The following MTSS1 variants were observed in gnomAD, a reference collection of about 807,000 sequenced individuals.
MTSS1 encodes MTSS I-BAR domain containing 1, also known as protein MTSS 1.
A neutral mutation model predicts 79.0 loss-of-function variants in MTSS1; 18 were observed. That is an observed-to-expected ratio of 0.23 (90% CI 0.16 to 0.34). MTSS1 has a LOEUF of 0.34. Ranked by LOEUF, MTSS1 falls within the 10% of genes least tolerant of loss-of-function variation. The pLI is 1.00. For synonymous variants in MTSS1, 341 were observed against 368.6 expected (o/e 0.93, Z 0.86); for missense variants, 815 against 986.2 (o/e 0.83, Z 2.33).
intron 6 of MTSS1, among the ~76,000 whole-genome samples, chr8:124,577,993 G>A (rs1829299238): frequency 6.6e-6 from 1 of 152,216 alleles, no homozygotes; most frequent in Non-Finnish European, 1.5e-5. Flanking sequence ...GCTGGATACG[G>A]CTGGGGGATG....
chr8:124,706,823 T>C (rs1188142186), intron 1 of MTSS1, among the ~76,000 whole-genome samples: 3 of 152,178 alleles, frequency 2.0e-5, no homozygotes, highest in Non-Finnish European at 4.4e-5. Context: ...CAAGACATAG[T>C]GGGGACTCCA....
At chr8:124,687,553 AG>A (rs1166030478) in intron 3 of MTSS1, among the ~76,000 whole-genome samples, 2 of 152,152 alleles carry the variant, frequency 1.3e-5, no homozygotes, top group Admixed American at 6.5e-5. Flanking sequence ...TGAGAGAGAC[AG>A]GGGTCAGGAA....
chr8:124,580,726 C>A, intron 6 of MTSS1: 1 of 665,978 alleles, frequency 1.5e-6, no homozygotes, highest in Non-Finnish European at 2.6e-6. Context: ...CTGATTAAAC[C>A]CACATCCACA....
chr8:124,675,617 C>A (rs1825141165), intron 3 of MTSS1, among the ~76,000 whole-genome samples: 1 of 152,176 alleles, frequency 6.6e-6, no homozygotes, highest in Non-Finnish European at 1.5e-5. Context: ...TTCAGTGCCC[C>A]AAAATAAACC....
At chr8:124,663,767 G>A (rs1475892606) in intron 3 of MTSS1, among the ~76,000 whole-genome samples, 1 of 152,086 alleles carries the variant, frequency 6.6e-6, no homozygotes, top group African/African-American at 2.4e-5. Context: ...TACAGGAAAA[G>A]CACAGTGAAT....
chr8:124,716,346 GCT>G (rs1294079764), intron 1 of MTSS1, among the ~76,000 whole-genome samples: 3 of 152,224 alleles, frequency 2.0e-5, no homozygotes, highest in Non-Finnish European at 2.9e-5. Flanking sequence ...TCGAGATCAT[GCT>G]CTGCCTAGGC....
Position 124,582,325 on chromosome 8 carries a change from A to G in MTSS1, c.460+2762T>C, listed in dbSNP as rs1830184663. On this transcript the variant is annotated intron_variant, in intron 6 of 13. Transcript: ENST00000518547. This position sits in a 1 kb window ranked among gnomAD's most constrained non-coding sequence, Gnocchi z 4.8. The stretch of plus-strand genomic sequence containing the variant: ...TTTAGATTACAAACCACCTCTCTAT[A>G]TAGTAAGAAAGAGTCGAAGAATGTG... Among the ~76,000 whole-genome samples, 1 of 152,166 alleles carries G rather than the reference A, an allele frequency of 6.6e-6. No individual in the cohort carries two copies. The highest frequency in any genetic ancestry group is 1.5e-5 in the Non-Finnish European group (1 of 68,022).
intron 3 of MTSS1, among the ~76,000 whole-genome samples, chr8:124,687,439 T>C (rs1200489351): frequency 6.6e-6 from 1 of 152,170 alleles, no homozygotes; most frequent in African/African-American, 2.4e-5. Flanking sequence ...CAGCATCCCC[T>C]TTAAGCAAGC....
In MTSS1 at chr8:124,727,001, A is replaced by T. The variant is rs527853642; in HGVS notation, c.72+883T>A. Among the ~76,000 whole-genome samples the T allele has an allele frequency of 6.6e-6, 1 of 152,210 alleles. No homozygotes were observed. Among genetic ancestry groups the T allele is most frequent in the Non-Finnish European group, 1.5e-5 (1 of 68,004 alleles). ...ACGGGGCCCTGGTCTATCTCTAGGC[A>T]CCAGAAAATCCACATCCGAGGATCA... On this transcript the variant is annotated intron_variant, in intron 1 of 13. Transcript: ENST00000518547. The surrounding 1 kb of genome is among the most constrained non-coding windows in gnomAD (Gnocchi z 4.7).
chr8:124,636,066 G>A lies in MTSS1; in HGVS notation c.209-44831C>T, dbSNP rs967806124. On this transcript the variant is annotated intron_variant, in intron 3 of 13. Coordinates refer to ENST00000518547, the MANE Select transcript of MTSS1 (RefSeq NM_014751.6). Reference sequence around the variant, plus strand: ...TCGACAGGCTCCTTAGGCTAGGAGCGCAGAGTCCAAAGAGCGCAGCCCTGC... The same window carrying A: ...TCGACAGGCTCCTTAGGCTAGGAGCACAGAGTCCAAAGAGCGCAGCCCTGC... 5.9e-5 allele frequency among the ~76,000 whole-genome samples: 9 copies of A among 152,108 alleles called. No homozygotes were observed. In the South Asian group the frequency reaches 8.3e-4, roughly 14 times the overall value.
At chr8:124,577,143 G>C (rs1169748122) in intron 6 of MTSS1, among the ~76,000 whole-genome samples, 1 of 152,206 alleles carries the variant, frequency 6.6e-6, no homozygotes, top group Non-Finnish European at 1.5e-5. Flanking sequence ...TGGTGGATCT[G>C]TTTGGCTTGT....
intron 6 of MTSS1, among the ~76,000 whole-genome samples, chr8:124,584,349 T>C (rs1189724832): frequency 1.3e-5 from 2 of 152,188 alleles, no homozygotes; most frequent in Non-Finnish European, 2.9e-5. Flanking sequence ...CAAAGAAGAA[T>C]AGACTGGAAG....
intron 10 of MTSS1, chr8:124,558,716 C>A: frequency 6.4e-7 from 1 of 1,558,952 alleles, no homozygotes; most frequent in East Asian, 2.3e-5. Flanking sequence ...CGGTCACCTT[C>A]TCTGTGGACA....
intron 6 of MTSS1, among the ~76,000 whole-genome samples, chr8:124,584,447 T>C (rs184296461): frequency 1.4e-3 from 220 of 152,346 alleles, no homozygotes; most frequent in African/African-American, 3.9e-3. Context: ...TGGATGCTGC[T>C]AGATTTTTCT....
intron 3 of MTSS1, among the ~76,000 whole-genome samples, chr8:124,645,258 C>T (rs958524457): frequency 2.0e-5 from 3 of 152,064 alleles, no homozygotes; most frequent in Non-Finnish European, 4.4e-5. Flanking sequence ...AGCATGGTGG[C>T]GTGCACCTGT....
intron 3 of MTSS1, among the ~76,000 whole-genome samples, chr8:124,634,089 C>CTTAT (rs144784872): frequency 0.027 from 4,028 of 151,060 alleles, 159 homozygotes; most frequent in African/African-American, 0.093. Context: ...TAGACCAGTC[C>CTTAT]TTATTTATTT....
At chr8:124,676,338 G>A (rs1224114405) in intron 3 of MTSS1, among the ~76,000 whole-genome samples, 1 of 152,158 alleles carries the variant, frequency 6.6e-6, no homozygotes, top group Admixed American at 6.5e-5. Context: ...AAATGATACA[G>A]GAAAGACCAA....
chr8:124,703,846 A>T (rs1830040630), intron 2 of MTSS1, among the ~76,000 whole-genome samples: 1 of 152,198 alleles, frequency 6.6e-6, no homozygotes, highest in Non-Finnish European at 1.5e-5. Flanking sequence ...GCAATACATA[A>T]ATGTTACCCG....
At chr8:124,622,135 TC>T (rs1038771956) in intron 3 of MTSS1, among the ~76,000 whole-genome samples, 19 of 151,334 alleles carry the variant, frequency 1.3e-4, no homozygotes, top group Admixed American at 4.0e-4. Flanking sequence ...AAGACAGAGA[TC>T]CTGCCTTCTG....
Sources: allele counts gnomAD v4.1 joint callset (sites outside exome capture counted in the v4.1 genomes callset), GRCh38; gene constraint gnomAD v4.1.1; non-coding constraint Gnocchi (gnomAD v3.1); transcripts MANE v1.5; gene names NCBI Gene and HGNC (gene_info 2026-07-23, HGNC 2026-07-21).